Variants in AGT observed in about 807,000 individuals in gnomAD.
AGT encodes alpha-1 antiproteinase, antitrypsin.
AGT carries 26 observed loss-of-function variants against 28.1 expected under a neutral mutation model. That is an observed-to-expected ratio of 0.92 (90% CI 0.68 to 1.28). The LOEUF is 1.28. AGT is among the 50% of genes most tolerant of loss of function. The probability of loss-of-function intolerance (pLI) is 0.00; values close to 1 mark genes in which losing one functional copy is unlikely to be tolerated. For missense variants in AGT, 596 were observed against 592.3 expected, an observed-to-expected ratio of 1.01 and a Z score of -0.06; for synonymous variants, 259 against 259.6, an observed-to-expected ratio of 1.00 and a Z score of 0.02.
chr1:230,720,462 T>G (rs1663820510), intron 1 of AGT, among the ~76,000 whole-genome samples: 1 of 152,142 alleles, frequency 6.6e-6, no homozygotes, highest in Non-Finnish European at 1.5e-5. Context: ...AACACTCACT[T>G]TCCTACTAAG....
intron 1 of AGT, among the ~76,000 whole-genome samples, chr1:230,735,795 C>T (rs1007943431): frequency 6.6e-6 from 1 of 152,200 alleles, no homozygotes; most frequent in African/African-American, 2.4e-5. Flanking sequence ...TCCTTCACCC[C>T]CTCAGAGCTG....
chr1:230,712,798 C>T (rs1316461932), intron 1 of AGT, among the ~76,000 whole-genome samples: 4 of 152,176 alleles, frequency 2.6e-5, no homozygotes, highest in African/African-American at 7.2e-5. Flanking sequence ...TGCACGCAGC[C>T]GCGTCCTGGG....
At chr1:230,733,325 T>G (rs1268112680) in intron 1 of AGT, among the ~76,000 whole-genome samples, 1 of 151,844 alleles carries the variant, frequency 6.6e-6, no homozygotes, top group Non-Finnish European at 1.5e-5. Flanking sequence ...TTTGCAAAAT[T>G]CCTTTCTGAT....
At chr1:230,739,618 C>T (rs1664212597) in intron 1 of AGT, among the ~76,000 whole-genome samples, 1 of 152,080 alleles carries the variant, frequency 6.6e-6, no homozygotes, top group Admixed American at 6.5e-5. Flanking sequence ...GGTGCATTGC[C>T]CCCGATAGGA....
In AGT at chr1:230,705,997, C is replaced by T. The variant is rs984378489; in HGVS notation, c.1033G>A (p.Asp345Asn). Residue 345 changes from aspartate to asparagine, a missense_variant, in exon 3 of 5, where the codon GAC becomes AAC. Transcript: ENST00000366667. ...LIQPHYASDLDKVEGLTFQQN... is the reference protein window; with the variant it reads ...LIQPHYASDLNKVEGLTFQQN... ...TGGAAAGTGAGACCCTCCACCTTGTCCAGGTCAGAGGCATAGTGAGGCTGG... is the reference window on the plus strand; with the variant it reads ...TGGAAAGTGAGACCCTCCACCTTGTTCAGGTCAGAGGCATAGTGAGGCTGG... 7 of 1,614,030 alleles carry T rather than the reference C, an allele frequency of 4.3e-6. No individual in the cohort carries two copies. In the African/African-American group the frequency reaches 5.3e-5, roughly 12 times the overall value.
chr1:230,733,298 A>G (rs920101869), intron 1 of AGT, among the ~76,000 whole-genome samples: 4 of 126,044 alleles, frequency 3.2e-5, no homozygotes, highest in Admixed American at 2.7e-4. Flanking sequence ...ACAAACAAAC[A>G]AAAAAGTCAG....
chr1:230,723,756 C>T (rs1041520669), intron 1 of AGT, among the ~76,000 whole-genome samples: 2 of 152,154 alleles, frequency 1.3e-5, no homozygotes, highest in African/African-American at 4.8e-5. Flanking sequence ...GTTATCTTCT[C>T]TTTGTCCACT....
upstream of AGT, among the ~76,000 whole-genome samples, chr1:230,718,168 C>G (rs905733418): frequency 6.6e-5 from 10 of 152,064 alleles, no homozygotes; most frequent in Non-Finnish European, 1.3e-4. Flanking sequence ...TGATCTTGAA[C>G]TACTGGTCTC....
intron 1 of AGT, among the ~76,000 whole-genome samples, chr1:230,743,399 C>G (rs1191292068): frequency 6.6e-6 from 1 of 152,214 alleles, no homozygotes; most frequent in African/African-American, 2.4e-5. Flanking sequence ...AGGACGCCAC[C>G]TTTACACCTC....
intron 1 of AGT, among the ~76,000 whole-genome samples, chr1:230,732,436 C>T (rs914926812): frequency 6.6e-6 from 1 of 152,026 alleles, no homozygotes; most frequent in Non-Finnish European, 1.5e-5. Flanking sequence ...TCAACCCCAG[C>T]TTTCTTGGTG....
In AGT at chr1:230,710,868, T is replaced by C. The variant is rs757772823; in HGVS notation, c.-30-15A>G. The C allele has an allele frequency of 8.1e-6, 13 of 1,609,402 alleles. No homozygotes were observed. In the East Asian group the frequency reaches 2.9e-4, roughly 36 times the overall value. On this transcript the variant is annotated splice_polypyrimidine_tract_variant and intron_variant, in intron 1 of 4. Transcript: ENST00000366667. ...TTCCGCATACCCTGAAATATCATTT[T>C]GCAAAGGGTGAAAGGTGGTTATTAA...
At chr1:230,729,879 G>A (rs560126758) in intron 1 of AGT, among the ~76,000 whole-genome samples, 9 of 152,050 alleles carry the variant, frequency 5.9e-5, no homozygotes, top group Admixed American at 1.3e-4. Flanking sequence ...ACAGGAAGGC[G>A]GCCTGGGCAC....
chr1:230,704,278 A>C lies in AGT; in HGVS notation c.1157T>G (p.Leu386Arg). 1 of 1,614,246 alleles carries C rather than the reference A, an allele frequency of 6.2e-7. No homozygotes were observed. The highest frequency in any genetic ancestry group is 2.2e-5 in the East Asian group (1 of 44,880). The change falls in exon 4 of 5, where the codon CTG becomes CGG. Residue 386 changes from leucine (L) to arginine (R), a missense_variant. By Grantham distance (102) the Leu-to-Arg change is moderately radical (BLOSUM62 -2). Coordinates refer to ENST00000366667, the MANE Select transcript of AGT (RefSeq NM_001384479.1). Reference sequence around the variant, plus strand: ...GGCGGGCAGCTCAGCCTGGGCGAGCAGGTCCTGCAGGTCATAAGATCCTTG... The same window carrying C: ...GGCGGGCAGCTCAGCCTGGGCGAGCCGGTCCTGCAGGTCATAAGATCCTTG... ...VLQGSYDLQD[L>R]LAQAELPAIL...
chr1:230,727,578 C>G (rs1326887), intron 1 of AGT, among the ~76,000 whole-genome samples: 7,772 of 152,186 alleles, frequency 0.051, 250 homozygotes, highest in Middle Eastern at 0.14. Context: ...ATTTAAATGA[C>G]AAATACAGCC....
rs886046084 is a variant in AGT at position 230,710,588 on chromosome 1, A to G, written c.236T>C (p.Leu79Pro). ...PVDEKALQDQ[L>P]VLVAAKLDTE... ...GTCAAGTTTTGCAGCGACTAGCACC[A>G]GCTGGTCCTGTAGGGCCTTTTCATC... Residue 79 changes from leucine (L) to proline (P), a missense_variant, in exon 2 of 5, where the codon CTG becomes CCG. Leu to Pro is a moderately conservative substitution (Grantham distance 98). Transcript: ENST00000366667. 16 of 1,614,272 alleles carry G rather than the reference A, an allele frequency of 9.9e-6. No homozygotes were observed. Among genetic ancestry groups the G allele is most frequent in the Admixed American group, 1.7e-5 (1 of 60,032 alleles).
upstream of AGT, among the ~76,000 whole-genome samples, chr1:230,716,609 T>G (rs924305878): frequency 2.0e-5 from 3 of 152,186 alleles, no homozygotes; most frequent in East Asian, 1.9e-4. Context: ...TCTCATGAGA[T>G]CTGATGGTTT....
intron 1 of AGT, among the ~76,000 whole-genome samples, chr1:230,727,873 G>A (rs79551774): frequency 0.023 from 3,549 of 152,288 alleles, 131 homozygotes; most frequent in African/African-American, 0.08. Context: ...CCCAGATAGA[G>A]CTGATTTATC....
chr1:230,702,631 T>G lies in AGT; in HGVS notation c.*510A>C, dbSNP rs1663264744. On this transcript the variant is annotated 3_prime_UTR_variant, in exon 5 of 5. Coordinates refer to ENST00000366667, the MANE Select transcript of AGT (RefSeq NM_001384479.1). ...TTCAGGTGCTTGCATCTTTCACGTA[T>G]TGTTCAAAAATCACAAGCATCTGTG... 6.2e-6 allele frequency: 1 copy of G among 160,938 alleles called. No homozygotes were observed. The highest frequency in any genetic ancestry group is 1.7e-4 in the South Asian group (1 of 5,860). The allele number at this position is 160,938 out of a possible 1,614,324, so 10.0% of individuals were successfully genotyped here.
At chr1:230,719,893 T>G (rs187207429) in intron 1 of AGT, among the ~76,000 whole-genome samples, 12 of 152,330 alleles carry the variant, frequency 7.9e-5, no homozygotes, top group Admixed American at 7.2e-4. Context: ...TGCTGCCTGA[T>G]GCACTAGAAG....
Sources: allele counts gnomAD v4.1 joint callset (sites outside exome capture counted in the v4.1 genomes callset), GRCh38; gene constraint gnomAD v4.1.1; transcripts MANE v1.5; gene names NCBI Gene and HGNC (gene_info 2026-07-23, HGNC 2026-07-21).